CORO1C: variants seen among roughly 807,000 people sequenced by gnomAD.
CORO1C encodes the protein coronin 1C.
In CORO1C, 14 loss-of-function variants were observed where a neutral mutation model predicts 51.2. That is an observed-to-expected ratio of 0.27 (90% CI 0.18 to 0.43). The LOEUF is 0.43. Ranked by LOEUF, CORO1C falls within the 20% of genes least tolerant of loss-of-function variation. The pLI, the probability that CORO1C is intolerant of heterozygous loss-of-function variation, is 1.00. For synonymous variants in CORO1C, 181 were observed against 210.5 expected (o/e 0.86, Z 1.21); for missense variants, 417 against 607.8 (o/e 0.69, Z 3.30).
At chr12:108,705,398 C>A (rs368925972) in intron 1 of CORO1C, among the ~76,000 whole-genome samples, 59 of 137,206 alleles carry the variant, frequency 4.3e-4, no homozygotes, top group African/African-American at 1.6e-3. Flanking sequence ...AGGCAGAGGT[C>A]GCAGTGAGCC....
At chr12:108,686,477 A>G (rs1343465075) in intron 2 of CORO1C, among the ~76,000 whole-genome samples, 1 of 152,248 alleles carries the variant, frequency 6.6e-6, no homozygotes, top group Non-Finnish European at 1.5e-5. Flanking sequence ...TCAGTCCACT[A>G]TTTCACTAGG....
At chr12:108,691,510 A>G (rs548812730) in intron 2 of CORO1C, among the ~76,000 whole-genome samples, 2 of 152,236 alleles carry the variant, frequency 1.3e-5, no homozygotes, top group South Asian at 2.1e-4. Context: ...GCTGGCAGCA[A>G]TTGTCAGCCT....
intron 3 of CORO1C, among the ~76,000 whole-genome samples, chr12:108,675,432 T>C (rs563005197): frequency 2.8e-4 from 43 of 152,258 alleles, no homozygotes; most frequent in African/African-American, 1.0e-3. Flanking sequence ...AGATAAGAAT[T>C]ATAATGGATT....
chr12:108,726,655 A>T (rs1362682263), intron 1 of CORO1C, among the ~76,000 whole-genome samples: 4 of 135,022 alleles, frequency 3.0e-5, no homozygotes. Context: ...ACAAAACATT[A>T]AAAAAAAAAA....
chr12:108,685,041 A>G (rs2034250204), intron 2 of CORO1C, among the ~76,000 whole-genome samples: 1 of 152,186 alleles, frequency 6.6e-6, no homozygotes, highest in East Asian at 1.9e-4. Flanking sequence ...ATTTTTTCCA[A>G]TCTGGGCTAA....
At chr12:108,674,034 A>C (rs1259882121) in intron 3 of CORO1C, among the ~76,000 whole-genome samples, 1 of 152,196 alleles carries the variant, frequency 6.6e-6, no homozygotes, top group African/African-American at 2.4e-5. Context: ...ATCAGGAAAA[A>C]AAAAGATTCC....
intron 3 of CORO1C, 148 bp from the exon 4 acceptor site, chr12:108,662,306 C>A: frequency 1.4e-6 from 1 of 715,534 alleles, no homozygotes; most frequent in South Asian, 2.0e-5. Flanking sequence ...GTGAAATGAC[C>A]GTGTTAGGCG....
chr12:108,717,123 C>T (rs936864101), intron 1 of CORO1C, among the ~76,000 whole-genome samples: 2 of 152,182 alleles, frequency 1.3e-5, no homozygotes, highest in African/African-American at 2.4e-5. Flanking sequence ...GTCAGAGAAG[C>T]GACACTTAAG....
intron 2 of CORO1C, among the ~76,000 whole-genome samples, chr12:108,696,818 C>T (rs144022280): frequency 2.4e-3 from 371 of 152,312 alleles, no homozygotes; most frequent in African/African-American, 8.2e-3. Context: ...ATCACGTGTG[C>T]TAATCTAAAT....
At chr12:108,730,150 C>CG (rs1308630456) in intron 1 of CORO1C, 1 of 152,132 alleles carries the variant, frequency 6.6e-6, no homozygotes, top group African/African-American at 2.4e-5. Flanking sequence ...CTTACCATGC[C>CG]GGGGGAAATG....
chr12:108,705,235 T>C (rs550541316), intron 1 of CORO1C, among the ~76,000 whole-genome samples: 2 of 152,000 alleles, frequency 1.3e-5, no homozygotes, highest in Admixed American at 1.3e-4. Context: ...TCCCCACACT[T>C]TGGGAGGCCG....
At chr12:108,705,252 G>C (rs930941463) in intron 1 of CORO1C, among the ~76,000 whole-genome samples, 8 of 152,036 alleles carry the variant, frequency 5.3e-5, no homozygotes, top group Non-Finnish European at 1.0e-4. Context: ...GCCGAGGAAG[G>C]CAGATCACTT....
chr12:108,729,323 C>A (rs956447526), intron 1 of CORO1C, among the ~76,000 whole-genome samples: 17 of 152,152 alleles, frequency 1.1e-4, no homozygotes, highest in Non-Finnish European at 2.5e-4. Flanking sequence ...CTGATTAGCA[C>A]AATCTGCAGG....
intron 6 of CORO1C, among the ~76,000 whole-genome samples, chr12:108,654,788 C>T (rs1320371804): frequency 2.0e-5 from 3 of 151,910 alleles, no homozygotes; most frequent in Admixed American, 6.6e-5. Flanking sequence ...CTGCAATCTC[C>T]GCCTCCCAAG....
intron 2 of CORO1C, among the ~76,000 whole-genome samples, chr12:108,698,749 G>GA (rs1259507338): frequency 6.6e-6 from 1 of 152,212 alleles, no homozygotes; most frequent in Admixed American, 6.5e-5. Context: ...TACAGAGAGA[G>GA]AAACAGAGGA....
At chr12:108,652,835 G>A (rs1314048051) in intron 7 of CORO1C, among the ~76,000 whole-genome samples, 1 of 29,546 alleles carries the variant, frequency 3.4e-5, no homozygotes, top group African/African-American at 1.8e-4. Flanking sequence ...CTGGCATAAC[G>A]CAATGCTGTT....
chr12:108,711,573 G>A (rs1407107492), intron 1 of CORO1C, among the ~76,000 whole-genome samples: 2 of 151,742 alleles, frequency 1.3e-5, no homozygotes, highest in African/African-American at 2.4e-5. Flanking sequence ...CCAGCTATTC[G>A]GGAGGCTAAG....
intron 7 of CORO1C, among the ~76,000 whole-genome samples, chr12:108,653,883 T>C (rs1406880356): frequency 2.0e-5 from 3 of 152,216 alleles, no homozygotes. Context: ...CACATGCTCA[T>C]CTAGGGTTAT....
At chr12:108,711,248 C>T (rs1193740622) in intron 1 of CORO1C, among the ~76,000 whole-genome samples, 5 of 151,816 alleles carry the variant, frequency 3.3e-5, no homozygotes, top group East Asian at 1.9e-4. Flanking sequence ...TATACCCCTG[C>T]GGTCCCAGCT....
Sources: gnomAD v4.1 joint callset for allele counts (sites outside exome capture counted in the v4.1 genomes callset) on GRCh38, gnomAD v4.1.1 for gene constraint, MANE v1.5 for transcripts, NCBI Gene and HGNC (gene_info 2026-07-23, HGNC 2026-07-21) for gene names.